Variants in GREB1 observed in about 807,000 individuals in gnomAD.
GREB1 encodes the protein protein GREB1.
Under a neutral mutation model 200.7 loss-of-function variants are expected in GREB1, and 106 were observed. The ratio of observed to expected loss-of-function variants is 0.53; its 90% confidence interval spans 0.45 to 0.62. The LOEUF (loss-of-function observed/expected upper bound fraction) is 0.62, where lower values mean the gene tolerates loss of function less well. Ranked by LOEUF, GREB1 falls within the 20% of genes least tolerant of loss-of-function variation. GREB1 has a pLI of 0.00. For synonymous variants in GREB1, 1,132 were observed against 1,092.4 expected (o/e 1.04, Z -0.72); for missense variants, 2,243 against 2,556.8 (o/e 0.88, Z 2.65).
intron 1 of GREB1, among the ~76,000 whole-genome samples, chr2:11,485,663 A>G (rs907459408): frequency 6.6e-6 from 1 of 152,182 alleles, no homozygotes; most frequent in South Asian, 2.1e-4. Flanking sequence ...AAAGGTTTCT[A>G]TGCTTGGTAC....
chr2:11,557,910 A>C (rs190712628), intron 2 of GREB1, among the ~76,000 whole-genome samples: 1 of 152,284 alleles, frequency 6.6e-6, no homozygotes, highest in African/African-American at 2.4e-5. Flanking sequence ...AAATGGCTGG[A>C]AAGTATTTTA....
chr2:11,546,189 TA>T (rs5829315), intron 1 of GREB1, among the ~76,000 whole-genome samples: 2 of 150,872 alleles, frequency 1.3e-5, no homozygotes, highest in African/African-American at 4.9e-5. Context: ...AAAATAAAAA[TA>T]AAAAAAAATA....
intron 8 of GREB1, 116 bp from the exon 9 acceptor site, chr2:11,585,646 C>A: frequency 9.0e-7 from 1 of 1,114,214 alleles, no homozygotes. Context: ...TTTGGTGCTC[C>A]TGTAATCAGG....
At chr2:11,625,531 G>A (rs148247951) in intron 24 of GREB1, among the ~76,000 whole-genome samples, 11 of 152,290 alleles carry the variant, frequency 7.2e-5, no homozygotes, top group African/African-American at 2.6e-4. Flanking sequence ...TGACAATGAC[G>A]ACACCCTTGC....
Position 11,620,922 on chromosome 2 carries a change from C to T in GREB1, c.4062C>T (p.Ala1354=). Reference sequence around the variant, plus strand: ...CTTTACAGATCGGGAAGACAGGTGCCTACCTGCAGTTCCTCAGTGTCCTGT... The same window carrying T: ...CTTTACAGATCGGGAAGACAGGTGCTTACCTGCAGTTCCTCAGTGTCCTGT... The part of the protein sequence containing the change: ...SGPPQIGKTG[A]YLQFLSVLSR... Residue 1354 remains alanine, a synonymous_variant, in exon 23 of 33, where the codon GCC becomes GCT. Coordinates refer to ENST00000381486, the MANE Select transcript of GREB1 (RefSeq NM_014668.4). 1.2e-6 allele frequency: 2 copies of T among 1,610,492 alleles called. No individual in the cohort carries two copies. Among genetic ancestry groups the T allele is most frequent in the Non-Finnish European group, 1.7e-6 (2 of 1,176,656 alleles).
chr2:11,489,318 G>A (rs572701615), intron 1 of GREB1, among the ~76,000 whole-genome samples: 118 of 152,284 alleles, frequency 7.7e-4, no homozygotes, highest in African/African-American at 2.6e-3. Flanking sequence ...AATTAGCCGG[G>A]CGTGGTGGCG....
chr2:11,612,889 G>A (rs1002644566), intron 19 of GREB1, among the ~76,000 whole-genome samples: 1 of 152,238 alleles, frequency 6.6e-6, no homozygotes, highest in Non-Finnish European at 1.5e-5. Context: ...GTGGAGTCAG[G>A]ATTTCATGCC....
At chr2:11,587,387 G>A (rs1048511372) in intron 9 of GREB1, 15 of 1,612,210 alleles carry the variant, frequency 9.3e-6, no homozygotes, top group African/African-American at 1.3e-5. Flanking sequence ...TGCAGTATTT[G>A]TAAATGGTGC....
Position 11,549,183 on chromosome 2 carries a change from CTTTA to C in GREB1, c.-161-7264_-161-7261del, listed in dbSNP as rs372924422. Among the ~76,000 whole-genome samples, 499 of 152,122 alleles carry C rather than the reference CTTTA, an allele frequency of 3.3e-3. 3 individuals carry two copies. Among genetic ancestry groups the C allele is most frequent in the African/African-American group, 0.011 (469 of 41,524 alleles). ...TTGGGAATCTCATTTTCTCCTTTTT[CTTTA>C]TTTATTCTTCTAGAACTCCTTCTGG... On this transcript the variant is annotated intron_variant, in intron 1 of 32. Coordinates refer to ENST00000381486, the MANE Select transcript of GREB1 (RefSeq NM_014668.4).
At chr2:11,624,092 C>T (rs961182139) in intron 23 of GREB1, among the ~76,000 whole-genome samples, 2 of 152,072 alleles carry the variant, frequency 1.3e-5, no homozygotes, top group Non-Finnish European at 2.9e-5. Flanking sequence ...CTAAGGTTAA[C>T]TTATTAATGA....
At chr2:11,490,795 C>T (rs921007497) in intron 1 of GREB1, among the ~76,000 whole-genome samples, 14 of 152,152 alleles carry the variant, frequency 9.2e-5, no homozygotes, top group Non-Finnish European at 1.5e-4. Context: ...GTGATCTGCC[C>T]GCCTTGGCCT....
intron 17 of GREB1, 124 bp from the exon 18 acceptor site, chr2:11,610,564 G>C: frequency 1.5e-6 from 1 of 689,194 alleles, no homozygotes; most frequent in East Asian, 2.6e-5. Context: ...CCTTCCAGAG[G>C]CAACACAACT....
At chr2:11,547,108 A>G (rs1258409604) in intron 1 of GREB1, among the ~76,000 whole-genome samples, 3 of 151,038 alleles carry the variant, frequency 2.0e-5, no homozygotes, top group African/African-American at 7.3e-5. Context: ...ACGCCCAGCT[A>G]TGTTTTGTAT....
rs572922451 is a variant in GREB1, at chr2:11,521,656, T to A, written c.-158-34801T>A. ...TCTGTCAAATATGAGGCCCAAAAAA[T>A]CAGCTACGGAGCCTCTCCTTTGTCA... On this transcript the variant is annotated intron_variant, in intron 1 of 2. Transcript: ENST00000628795. Among the ~76,000 whole-genome samples the A allele has an allele frequency of 9.8e-5, 15 of 152,320 alleles. No homozygotes were observed. In the East Asian group the frequency reaches 2.5e-3, roughly 25 times the overall value.
intron 1 of GREB1, among the ~76,000 whole-genome samples, chr2:11,501,905 G>GTT (rs1204074491): frequency 4.9e-5 from 3 of 61,598 alleles, no homozygotes; most frequent in African/African-American, 1.5e-4. Context: ...GTTTTTTTTT[G>GTT]TTTTTTTTTT....
chr2:11,528,456 A>G (rs2148485501), intron 1 of GREB1, among the ~76,000 whole-genome samples: 1 of 152,300 alleles, frequency 6.6e-6, no homozygotes, highest in East Asian at 1.9e-4. Flanking sequence ...ACTAGGTGAG[A>G]GATTTGAGTC....
chr2:11,584,803 C>G (rs1038296455), intron 7 of GREB1: 1 of 170,306 alleles, frequency 5.9e-6, no homozygotes, highest in Non-Finnish European at 1.2e-5. Flanking sequence ...CCTGTAGTCC[C>G]AGCTACTTGG....
intron 1 of GREB1, among the ~76,000 whole-genome samples, chr2:11,501,895 GTTTTTTTTT>G (rs1673050000): frequency 2.2e-5 from 1 of 45,562 alleles, no homozygotes; most frequent in African/African-American, 8.9e-5. Context: ...TGGATTTCCT[GTTTTTTTTT>G]GTTTTTTTTT....
intron 1 of GREB1, among the ~76,000 whole-genome samples, chr2:11,516,571 A>G (rs1016380514): frequency 2.0e-5 from 3 of 152,116 alleles, no homozygotes; most frequent in Non-Finnish European, 4.4e-5. Context: ...CCCCACCCCA[A>G]GTCCCAGCTG....
Sources: allele counts gnomAD v4.1 joint callset (sites outside exome capture counted in the v4.1 genomes callset), GRCh38; gene constraint gnomAD v4.1.1; transcripts MANE v1.5; gene names NCBI Gene and HGNC (gene_info 2026-07-23, HGNC 2026-07-21).